Variants in RSPO2 observed in about 807,000 individuals in gnomAD.
RSPO2 encodes the protein R-spondin-2.
In RSPO2, 14 loss-of-function variants were observed where a neutral mutation model predicts 30.9. That is an observed-to-expected ratio of 0.45 (90% CI 0.30 to 0.71). The LOEUF is 0.71. RSPO2 is among the 30% of genes least tolerant of loss of function. The pLI is 0.08. For synonymous variants in RSPO2, 107 were observed against 96.4 expected (o/e 1.11, Z -0.64); for missense variants, 264 against 301.9 (o/e 0.87, Z 0.93).
At position 107,924,159 on chromosome 8, in the gene RSPO2, T is replaced by A. The variant is rs532372926; in HGVS notation, c.617-22969A>T. On this transcript the variant is annotated intron_variant, in intron 5 of 5. Transcript: ENST00000276659. Reference sequence around the variant, plus strand: ...CTTTAAGACATATAAAAACTGAGGTTACTACAAACAAACCCTCACTAAAGG... The same window carrying A: ...CTTTAAGACATATAAAAACTGAGGTAACTACAAACAAACCCTCACTAAAGG... 4.6e-5 allele frequency among the ~76,000 whole-genome samples: 7 copies of A among 151,412 alleles called. No individual in the cohort carries two copies. In the South Asian group the frequency reaches 1.5e-3, roughly 32 times the overall value.
At chr8:108,034,686 G>A (rs1426126796) in intron 2 of RSPO2, among the ~76,000 whole-genome samples, 2 of 152,088 alleles carry the variant, frequency 1.3e-5, no homozygotes, top group Non-Finnish European at 2.9e-5. Flanking sequence ...AATTACAGAG[G>A]CCCAGCCAAG....
Position 108,074,354 on chromosome 8 carries a change from A to G in RSPO2, c.94+8191T>C, listed in dbSNP as rs979053947. 7.9e-5 allele frequency among the ~76,000 whole-genome samples: 12 copies of G among 152,236 alleles called. 1 individual carries two copies. Among genetic ancestry groups the G allele is most frequent in the Admixed American group, 5.9e-4 (9 of 15,288 alleles). On this transcript the variant is annotated intron_variant, in intron 2 of 5. Transcript: ENST00000276659. Reference sequence around the variant, plus strand: ...CTTTGCTCTGACCCTTATTATTCTAACATGTGTTAAACACAAAATACACAT... The same window carrying G: ...CTTTGCTCTGACCCTTATTATTCTAGCATGTGTTAAACACAAAATACACAT...
intron 5 of RSPO2, among the ~76,000 whole-genome samples, chr8:107,946,279 A>T (rs1268603154): frequency 6.6e-6 from 1 of 152,222 alleles, no homozygotes; most frequent in Non-Finnish European, 1.5e-5. Context: ...TGGTTCATAC[A>T]TTTTAGGTGG....
intron 3 of RSPO2, among the ~76,000 whole-genome samples, chr8:107,979,069 T>C (rs1169387687): frequency 1.3e-5 from 2 of 152,304 alleles, no homozygotes; most frequent in Non-Finnish European, 2.9e-5. Flanking sequence ...AGGAACACTT[T>C]TACATTGTTG....
At position 107,900,012 on chromosome 8, in the gene RSPO2, G is replaced by C. The variant is rs1042202399; in HGVS notation, c.*1063C>G. ...GCCTTGTCATTTAAAGCCAGGGATTGCTTTAAATTTGGGGGAAAAAAATTG... is the reference window on the plus strand; with the variant it reads ...GCCTTGTCATTTAAAGCCAGGGATTCCTTTAAATTTGGGGGAAAAAAATTG... On this transcript the variant is annotated 3_prime_UTR_variant, in exon 6 of 6. Coordinates refer to ENST00000276659, the MANE Select transcript of RSPO2 (RefSeq NM_178565.5). 1.3e-5 allele frequency: 2 copies of C among 150,566 alleles called. No individual in the cohort carries two copies. The highest frequency in any genetic ancestry group is 4.0e-4 in the East Asian group (2 of 5,036). The allele number at this position is 150,566 out of a possible 1,614,324, so 9.3% of individuals were successfully genotyped here.
chr8:107,949,015 G>A (rs1813156968), intron 5 of RSPO2, among the ~76,000 whole-genome samples: 1 of 150,452 alleles, frequency 6.6e-6, no homozygotes, highest in Admixed American at 6.6e-5. Flanking sequence ...AACACCTGGG[G>A]AGGTTTTTCC....
intron 5 of RSPO2, among the ~76,000 whole-genome samples, chr8:107,908,655 C>A (rs887715466): frequency 6.6e-6 from 1 of 152,058 alleles, no homozygotes; most frequent in African/African-American, 2.4e-5. Flanking sequence ...CTTTTTATTT[C>A]TTTCTAACCA....
rs540478539 is a variant in RSPO2 at position 108,011,230 on chromosome 8, A to G, written c.95-21986T>C. Among the ~76,000 whole-genome samples the G allele has an allele frequency of 1.8e-3, 265 of 150,206 alleles. 3 individuals carry two copies. The highest frequency in any genetic ancestry group is 7.4e-4 in the Non-Finnish European group (50 of 67,774). ...GGAAAGGAAAGGAAAAGGAAAAGGG[A>G]AAGGAAAAGGAAAGGAAAGGAAAGA... On this transcript the variant is annotated intron_variant, in intron 2 of 5. Coordinates refer to ENST00000276659, the MANE Select transcript of RSPO2 (RefSeq NM_178565.5).
intron 2 of RSPO2, among the ~76,000 whole-genome samples, chr8:107,994,932 C>A (rs1240607774): frequency 6.6e-6 from 1 of 151,668 alleles, no homozygotes; most frequent in Admixed American, 6.6e-5. Flanking sequence ...TTTATAGCAA[C>A]TTGCAGCAAA....
intron 5 of RSPO2, among the ~76,000 whole-genome samples, chr8:107,940,825 G>A (rs765266523): frequency 1.1e-4 from 16 of 152,230 alleles, no homozygotes; most frequent in South Asian, 4.1e-4. Context: ...AAATGGAACC[G>A]TTTTAGCCAT....
intron 3 of RSPO2, among the ~76,000 whole-genome samples, chr8:107,982,873 C>T (rs1814495778): frequency 6.6e-6 from 1 of 152,150 alleles, no homozygotes; most frequent in South Asian, 2.1e-4. Context: ...CTTTTCCTTG[C>T]TTTCTGTTAA....
chr8:107,977,396 T>C (rs910721602), intron 3 of RSPO2, among the ~76,000 whole-genome samples: 3 of 152,216 alleles, frequency 2.0e-5, no homozygotes, highest in Non-Finnish European at 4.4e-5. Flanking sequence ...CGGTGCAATC[T>C]TGCAATCTGT....
chr8:108,000,351 T>G (rs1468369209), intron 2 of RSPO2, among the ~76,000 whole-genome samples: 2 of 152,154 alleles, frequency 1.3e-5, no homozygotes. Flanking sequence ...AACAAAGCAG[T>G]GTCCCTTCAA....
intron 2 of RSPO2, among the ~76,000 whole-genome samples, chr8:108,077,238 G>T (rs1359630298): frequency 6.6e-6 from 1 of 152,176 alleles, no homozygotes. Context: ...GTAACAGATT[G>T]AAGAGTGAAT....
At chr8:108,029,035 G>T (rs1818307484) in intron 2 of RSPO2, among the ~76,000 whole-genome samples, 1 of 121,624 alleles carries the variant, frequency 8.2e-6, no homozygotes, top group African/African-American at 3.0e-5. Context: ...GGTAAACTTG[G>T]GTAACTGTTA....
chr8:107,924,653 T>A (rs994850186), intron 5 of RSPO2, among the ~76,000 whole-genome samples: 16 of 151,956 alleles, frequency 1.1e-4, no homozygotes, highest in African/African-American at 3.9e-4. Flanking sequence ...GATGAAGGGA[T>A]TGATGAACAG....
chr8:108,077,937 C>G (rs1667321861), intron 2 of RSPO2, among the ~76,000 whole-genome samples: 1 of 152,090 alleles, frequency 6.6e-6, no homozygotes, highest in Non-Finnish European at 1.5e-5. Flanking sequence ...TGTCTGTCCC[C>G]TACTTCCTGG....
At position 108,002,597 on chromosome 8, in the gene RSPO2, A is replaced by G. The variant is rs753344634; in HGVS notation, c.95-13353T>C. On this transcript the variant is annotated intron_variant, in intron 2 of 5. Coordinates refer to ENST00000276659, the MANE Select transcript of RSPO2 (RefSeq NM_178565.5). ...ATCCCTCATATATCACCTGCTTCCT[A>G]GAATAGAAACTAGTTGGTCACTCCT... Among the ~76,000 whole-genome samples the G allele has an allele frequency of 3.3e-5, 5 of 152,322 alleles. No individual in the cohort carries two copies. The Middle Eastern group carries it at 0.014, about 414-fold the overall frequency.
intron 5 of RSPO2, among the ~76,000 whole-genome samples, chr8:107,932,507 A>T (rs1422393515): frequency 6.6e-6 from 1 of 152,178 alleles, no homozygotes; most frequent in African/African-American, 2.4e-5. Context: ...CTGGAGTAAT[A>T]ACGACATGCA....
Sources: gnomAD v4.1 joint callset for allele counts (sites outside exome capture counted in the v4.1 genomes callset) on GRCh38, gnomAD v4.1.1 for gene constraint, MANE v1.5 for transcripts, NCBI Gene and HGNC (gene_info 2026-07-23, HGNC 2026-07-21) for gene names.